The following KIF1A variants were observed in gnomAD, a reference collection of about 807,000 sequenced individuals.
KIF1A encodes the protein kinesin-like protein KIF1A.
A neutral mutation model predicts 227.3 loss-of-function variants in KIF1A; 46 were observed. The observed-to-expected ratio is 0.20, with a 90% confidence interval of 0.16 to 0.26. The LOEUF is 0.26. Ranked by LOEUF, KIF1A falls within the 10% of genes least tolerant of loss-of-function variation. The probability of loss-of-function intolerance (pLI) is 1.00; values close to 1 mark genes in which losing one functional copy is unlikely to be tolerated. For synonymous variants in KIF1A, 1,022 were observed against 1,012.8 expected, an observed-to-expected ratio of 1.01 and a Z score of -0.17; for missense variants, 1,683 against 2,485.9, an observed-to-expected ratio of 0.68 and a Z score of 6.87.
chr2:240,794,610 G>T (rs1359197936), intron 2 of KIF1A, among the ~76,000 whole-genome samples: 1 of 152,248 alleles, frequency 6.6e-6, no homozygotes, highest in African/African-American at 2.4e-5. Context: ...TTGGGCGGTT[G>T]CCCCGGGCTT....
chr2:240,788,041 C>CCCCGGGTG lies in KIF1A; in HGVS notation c.363+9_363+10insCACCCGGG. 1 of 1,520,688 alleles carries CCCCGGGTG rather than the reference C, an allele frequency of 6.6e-7. No individual in the cohort carries two copies. Among genetic ancestry groups the CCCCGGGTG allele is most frequent in the Non-Finnish European group, 8.9e-7 (1 of 1,121,320 alleles). 94.2% of individuals were successfully genotyped at this position (1,520,688 alleles called of 1,614,324 possible). A position where few individuals can be genotyped will look rare whatever the true frequency, so the allele number is the denominator to read the frequency against. On this transcript the variant is annotated intron_variant, in intron 4 of 48. Coordinates refer to ENST00000498729, the MANE Select transcript of KIF1A (RefSeq NM_001244008.2). This position sits in a 1 kb window ranked among gnomAD's most constrained non-coding sequence, Gnocchi z 6.6. ...GCCAGGGCTGCCCCCGCCCGCCCCC[C>CCCCGGGTG]GCTTCGTGCCTGTGGGATGATGCCC...
intron 2 of KIF1A, among the ~76,000 whole-genome samples, chr2:240,795,432 C>T (rs1185186546): frequency 6.6e-6 from 1 of 152,200 alleles, no homozygotes; most frequent in Non-Finnish European, 1.5e-5. Context: ...CTTTTGTTCT[C>T]CAGGCCAGAG....
rs866132223 is a variant in KIF1A, at chr2:240,715,179, T to G, written c.*2185A>C. On this transcript the variant is annotated 3_prime_UTR_variant, in exon 49 of 49. Coordinates refer to ENST00000498729, the MANE Select transcript of KIF1A (RefSeq NM_001244008.2). ...CTTCCTGCCTCCAGGCAGCGCTGGATGCCGGAGCAGGTGCTTCTGCAAGAA... is the reference window on the plus strand; with the variant it reads ...CTTCCTGCCTCCAGGCAGCGCTGGAGGCCGGAGCAGGTGCTTCTGCAAGAA... 1 of 152,586 alleles carries G rather than the reference T, an allele frequency of 6.6e-6. No individual in the cohort carries two copies. Among genetic ancestry groups the G allele is most frequent in the Non-Finnish European group, 1.5e-5 (1 of 68,160 alleles). The allele number at this position is 152,586 out of a possible 1,614,324, so 9.5% of individuals were successfully genotyped here. A position where few individuals can be genotyped will look rare whatever the true frequency, so the allele number is the denominator to read the frequency against.
intron 43 of KIF1A, 30 bp from the exon 44 acceptor site, chr2:240,721,914 G>T: frequency 1.3e-6 from 2 of 1,566,026 alleles, no homozygotes; most frequent in Non-Finnish European, 1.7e-6. Flanking sequence ...GTGGTCAGGG[G>T]CCAGGCCTCC....
chr2:240,784,078 G>A (rs567163790), intron 7 of KIF1A, among the ~76,000 whole-genome samples: 61 of 152,300 alleles, frequency 4.0e-4, no homozygotes, highest in African/African-American at 1.4e-3. Context: ...CACACGCTGG[G>A]TGGTTTTCAC....
At chr2:240,748,393 C>G (rs2048843852) in intron 28 of KIF1A, among the ~76,000 whole-genome samples, 1 of 152,164 alleles carries the variant, frequency 6.6e-6, no homozygotes, top group Admixed American at 6.5e-5. Flanking sequence ...AAGGGCAGAC[C>G]AGGACGGCAG....
rs780821079 is a variant in KIF1A, at chr2:240,787,326, T to G, written c.364-10A>C. 1.2e-6 allele frequency: 2 copies of G among 1,612,272 alleles called. No individual in the cohort carries two copies. The highest frequency in any genetic ancestry group is 8.5e-7 in the Non-Finnish European group (1 of 1,179,188). The stretch of plus-strand genomic sequence containing the variant: ...AGAGGTCCTCGCAGAGCTGCAGGAA[T>G]GGGGGGACAGTCAGCCAGGGAGGGC... On this transcript the variant is annotated splice_polypyrimidine_tract_variant and intron_variant, in intron 4 of 48. Transcript: ENST00000498729.
chr2:240,813,599 T>C (rs1189470407), intron 1 of KIF1A, among the ~76,000 whole-genome samples: 1 of 152,124 alleles, frequency 6.6e-6, no homozygotes, highest in Non-Finnish European at 1.5e-5. Flanking sequence ...CATTCTGATA[T>C]GCAGGGGCAG....
upstream of KIF1A, among the ~76,000 whole-genome samples, chr2:240,820,843 C>T (rs998338521): frequency 1.3e-5 from 2 of 152,286 alleles, no homozygotes; most frequent in African/African-American, 4.8e-5. This position sits in a 1 kb window ranked among gnomAD's most constrained non-coding sequence, Gnocchi z 6.2. Context: ...CCCGCCGCCT[C>T]GCCTCTACCG....
In KIF1A at chr2:240,809,668, A is replaced by ATTTTTTT. The variant is rs59491347; in HGVS notation, c.-61+10447_-61+10453dup. 9.9e-3 allele frequency among the ~76,000 whole-genome samples: 1,395 copies of ATTTTTTT among 140,264 alleles called. 32 individuals carry two copies. The highest frequency in any genetic ancestry group is 0.035 in the African/African-American group (1,320 of 37,220). The allele number at this position is 140,264 out of a possible 152,430, so 92.0% of individuals were successfully genotyped here. ...TCTTCACGCTACCCCTAGGGAAGGA[A>ATTTTTTT]TTTTTTTTTTTTTTTTTTGAGACAG... On this transcript the variant is annotated intron_variant, in intron 1 of 48. Transcript: ENST00000498729.
intron 1 of KIF1A, among the ~76,000 whole-genome samples, chr2:240,807,685 T>A (rs971482130): frequency 9.2e-5 from 14 of 152,296 alleles, no homozygotes; most frequent in African/African-American, 3.4e-4. Flanking sequence ...CATTCACTGA[T>A]GCTAATAGAA....
Position 240,775,722 on chromosome 2 carries a change from C to A in KIF1A, c.958+129G>T. 3.0e-6 allele frequency: 2 copies of A among 675,638 alleles called. No homozygotes were observed. Among genetic ancestry groups the A allele is most frequent in the South Asian group, 1.8e-5 (1 of 56,954 alleles). The allele number at this position is 675,638 out of a possible 1,614,324, so 41.9% of individuals were successfully genotyped here. On this transcript the variant is annotated intron_variant, in intron 11 of 48. Transcript: ENST00000498729. The surrounding 1 kb of genome is among the most constrained non-coding windows in gnomAD (Gnocchi z 5.5). ...ACGAACTGACTGGACCCTCCAGGTT[C>A]ACCTCCCAGCCTCAGCCCAGAAAGG...
In KIF1A at chr2:240,774,170, C is replaced by A; in HGVS notation, c.1037+13G>T. 1 of 1,559,974 alleles carries A rather than the reference C, an allele frequency of 6.4e-7. No individual in the cohort carries two copies. On this transcript the variant is annotated intron_variant, in intron 12 of 48. Coordinates refer to ENST00000498729, the MANE Select transcript of KIF1A (RefSeq NM_001244008.2). ...GGAGCGGGAAGCAGAGCTTGTCTCC[C>A]TGGAGAACTCACCTCAGCGTGCTAA... is the stretch of plus-strand genomic sequence containing the variant.
At position 240,723,986 on chromosome 2, in the gene KIF1A, G is replaced by A. The variant is rs375688061; in HGVS notation, c.4307C>T (p.Ala1436Val). Residue 1436 changes from alanine (A) to valine (V), a missense_variant, in exon 41 of 49, where the codon GCG becomes GTG. Physicochemically the swap from Ala to Val is moderately conservative, Grantham distance 64. Transcript: ENST00000498729. ...YELSLCHVAD[A>V]GSPGMQRRRR... ...GGGCAGATACCTACCTGGGCTGCCC[G>A]CGTCAGCCACGTGGCACAGGCTGAG... The A allele has an allele frequency of 3.7e-5, 60 of 1,612,120 alleles. No individual in the cohort carries two copies. The highest frequency in any genetic ancestry group is 1.1e-4 in the South Asian group (10 of 91,080).
At position 240,740,237 on chromosome 2, in the gene KIF1A, C is replaced by T. The variant is rs545127896; in HGVS notation, c.3816+61G>A. The T allele has an allele frequency of 3.4e-5, 53 of 1,564,582 alleles. No individual in the cohort carries two copies. In the East Asian group the frequency reaches 1.0e-3, roughly 31 times the overall value. The stretch of plus-strand genomic sequence containing the variant: ...CAGGCAGGGTAGGGGCAGGGAGAGG[C>T]TCACACCTGGTGGGGTGGGGGAGGG... On this transcript the variant is annotated intron_variant, in intron 36 of 48. Coordinates refer to ENST00000498729, the MANE Select transcript of KIF1A (RefSeq NM_001244008.2). This position sits in a 1 kb window ranked among gnomAD's most constrained non-coding sequence, Gnocchi z 6.1.
intron 17 of KIF1A, among the ~76,000 whole-genome samples, chr2:240,767,644 C>T (rs892705950): frequency 6.6e-6 from 1 of 152,276 alleles, no homozygotes; most frequent in Non-Finnish European, 1.5e-5. Context: ...GAAGGGCAGA[C>T]AGCCCCAGCT....
Position 240,782,597 on chromosome 2 carries a change from G to C in KIF1A, c.875C>G (p.Pro292Arg). The C allele has an allele frequency of 6.4e-7, 1 of 1,552,570 alleles. No homozygotes were observed. The highest frequency in any genetic ancestry group is 8.7e-7 in the Non-Finnish European group (1 of 1,147,920). The change falls in exon 10 of 49, where the codon CCC (proline) becomes CGC (arginine). Residue 292 changes from proline to arginine, a missense_variant. Pro to Arg is a moderately radical substitution (Grantham distance 103). This residue lies in a region of KIF1A where 15 missense variants were observed against 16.1 expected (regional missense o/e 0.93). Coordinates refer to ENST00000498729, the MANE Select transcript of KIF1A (RefSeq NM_001244008.2). ...ISALAEMDSG[P>R]NKNKKKKKTD... ...CTGAAGGAAGCCGCTTACCTTGTTGGGTCCGGAGTCCTGAAAAGGAAAAGA... is the reference window on the plus strand; with the variant it reads ...CTGAAGGAAGCCGCTTACCTTGTTGCGTCCGGAGTCCTGAAAAGGAAAAGA...
At position 240,766,749 on chromosome 2, in the gene KIF1A, T is replaced by TCACACACACACACACACACACA. The variant is rs55815321; in HGVS notation, c.1684+144_1684+165dup. 1.8e-5 allele frequency among the ~76,000 whole-genome samples: 2 copies of TCACACACACACACACACACACA among 108,974 alleles called. No individual in the cohort carries two copies. The highest frequency in any genetic ancestry group is 9.2e-5 in the Admixed American group (1 of 10,896). 71.5% of individuals were successfully genotyped at this position (108,974 alleles called of 152,430 possible). On this transcript the variant is annotated intron_variant, in intron 19 of 48. Coordinates refer to ENST00000498729, the MANE Select transcript of KIF1A (RefSeq NM_001244008.2). The surrounding 1 kb of genome is among the most constrained non-coding windows in gnomAD (Gnocchi z 5.0). ...CTCTCTCTCTCTCTCTCTCTCTCTC[T>TCACACACACACACACACACACA]CACACACACACACACACACACACAC... is the stretch of plus-strand genomic sequence containing the variant.
chr2:240,771,059 G>A lies in KIF1A; in HGVS notation c.1253C>T (p.Ala418Val), dbSNP rs1374096023. ...VGMSPSSSLS[A>V]LSSRAASVSS... The stretch of plus-strand genomic sequence containing the variant: ...CACGGAGGCCGCGCGGCTGGACAGG[G>A]CTGAGAGCGAGGATGAGGGGCTCAT... The change falls in exon 15 of 49, where the codon GCC (alanine) becomes GTC (valine). Residue 418 changes from alanine (A) to valine (V), a missense_variant. Physicochemically the swap from Ala to Val is moderately conservative, Grantham distance 64. This residue lies in a region of KIF1A where 110 missense variants were observed against 133.1 expected (regional missense o/e 0.83). Transcript: ENST00000498729. 3 of 1,613,352 alleles carry A rather than the reference G, an allele frequency of 1.9e-6. No individual in the cohort carries two copies. The highest frequency in any genetic ancestry group is 3.3e-5 in the Admixed American group (2 of 59,978).
Sources: allele counts gnomAD v4.1 joint callset (sites outside exome capture counted in the v4.1 genomes callset), GRCh38; gene constraint gnomAD v4.1.1; regional missense constraint gnomAD v4.1.1; non-coding constraint Gnocchi (gnomAD v3.1); transcripts MANE v1.5; gene names NCBI Gene and HGNC (gene_info 2026-07-23, HGNC 2026-07-21).